The following LRP8 variants were observed in gnomAD, a reference collection of about 807,000 sequenced individuals.
The protein encoded by LRP8 is low-density lipoprotein receptor-related protein 8.
A neutral mutation model predicts 111.6 loss-of-function variants in LRP8; 46 were observed. The observed-to-expected ratio is 0.41, with a 90% CI of 0.33 to 0.53. LRP8 has a LOEUF of 0.53. Among genes scored for constraint, LRP8 ranks in the 20% least tolerant of loss-of-function variants. The pLI is 0.20. For synonymous variants in LRP8, 464 were observed against 511.2 expected, an observed-to-expected ratio of 0.91 and a Z score of 1.24; for missense variants, 959 against 1,297.4, an observed-to-expected ratio of 0.74 and a Z score of 4.01.
At chr1:53,304,124 C>T (rs897811780) in intron 2 of LRP8, among the ~76,000 whole-genome samples, 2 of 152,162 alleles carry the variant, frequency 1.3e-5, no homozygotes, top group African/African-American at 4.8e-5. Context: ...GGCATAATAC[C>T]GAGGAGGCAG....
At chr1:53,260,973 C>T (rs1452312307) in intron 12 of LRP8, among the ~76,000 whole-genome samples, 3 of 152,180 alleles carry the variant, frequency 2.0e-5, no homozygotes, top group Non-Finnish European at 4.4e-5. Flanking sequence ...GAGGGTTATG[C>T]CTTGCTGGGC....
At chr1:53,327,035 C>G in intron 1 of LRP8, 43 bp from the exon 2 acceptor site, 1 of 1,604,010 alleles carries the variant, frequency 6.2e-7, no homozygotes, top group African/African-American at 1.3e-5. Flanking sequence ...CGGACTCGGC[C>G]CCACTCCCCA....
chr1:53,260,364 C>T (rs781596445), intron 13 of LRP8, 100 bp downstream of exon 13: 4 of 1,076,918 alleles, frequency 3.7e-6, no homozygotes, highest in Non-Finnish European at 4.1e-6. Context: ...CCTGGGGTTG[C>T]TGAGTTGTGA....
chr1:53,327,096 G>A (rs547304982), intron 1 of LRP8, 104 bp from the exon 2 acceptor site: 6 of 1,500,150 alleles, frequency 4.0e-6, no homozygotes, highest in East Asian at 4.6e-5. Flanking sequence ...AGGAAAGGGG[G>A]CGATTATGGA....
intron 10 of LRP8, among the ~76,000 whole-genome samples, chr1:53,263,794 C>T (rs568732284): frequency 1.4e-4 from 22 of 152,318 alleles, no homozygotes; most frequent in East Asian, 3.9e-4. Flanking sequence ...AGCTGCCCCA[C>T]GGTGAAACAG....
At chr1:53,290,624 T>G (rs1648553230) in intron 2 of LRP8, among the ~76,000 whole-genome samples, 1 of 152,098 alleles carries the variant, frequency 6.6e-6, no homozygotes, top group Non-Finnish European at 1.5e-5. Flanking sequence ...CCCAGCCCGG[T>G]TCTTTACTGC....
intron 4 of LRP8, 49 bp downstream of exon 4, chr1:53,280,538 G>T: frequency 6.3e-7 from 1 of 1,595,470 alleles, no homozygotes; most frequent in Non-Finnish European, 8.5e-7. Context: ...ACTCCCTGAG[G>T]CTGCCTGACC....
chr1:53,292,038 G>T (rs1648877149), intron 2 of LRP8: 1 of 152,166 alleles, frequency 6.6e-6, no homozygotes, highest in African/African-American at 2.4e-5. Context: ...CAGTTCTGGG[G>T]CTTGCCTTCT....
intron 4 of LRP8, among the ~76,000 whole-genome samples, chr1:53,277,513 T>G (rs754313646): frequency 6.6e-6 from 1 of 152,182 alleles, no homozygotes; most frequent in Non-Finnish European, 1.5e-5. Flanking sequence ...TCCCCTGGCC[T>G]GGTATCCAAG....
intron 14 of LRP8, 94 bp downstream of exon 14, chr1:53,258,225 C>T (rs1292990983): frequency 4.6e-6 from 6 of 1,298,116 alleles, no homozygotes; most frequent in South Asian, 1.6e-5. Flanking sequence ...GGAAGAAAAC[C>T]AGCAGCATAC....
chr1:53,280,501 T>G, intron 4 of LRP8, 86 bp downstream of exon 4: 1 of 1,545,322 alleles, frequency 6.5e-7, no homozygotes, highest in Non-Finnish European at 8.7e-7. Context: ...CACGGGGAAC[T>G]GGGCCCCCTC....
chr1:53,268,991 AGTCAGAATAAAAT>A (rs1557775391), intron 8 of LRP8, among the ~76,000 whole-genome samples: 1 of 152,192 alleles, frequency 6.6e-6, no homozygotes, highest in Non-Finnish European at 1.5e-5. Context: ...TCAATACTGC[AGTCAGAATAAAAT>A]GTCACACCAT....
At chr1:53,263,240 C>T (rs550405813) in intron 10 of LRP8, among the ~76,000 whole-genome samples, 15 of 152,238 alleles carry the variant, frequency 9.9e-5, no homozygotes, top group African/African-American at 3.4e-4. Context: ...GGAGAGGCTC[C>T]GTATCTGTCA....
chr1:53,280,777 A>G (rs1647082977), intron 3 of LRP8, 62 bp from the exon 4 acceptor site: 1 of 1,592,276 alleles, frequency 6.3e-7, no homozygotes, highest in Admixed American at 1.7e-5. Context: ...GGTGCCAACC[A>G]GTCCTACCAC....
chr1:53,325,893 A>T (rs776867123), intron 2 of LRP8, among the ~76,000 whole-genome samples: 1 of 152,088 alleles, frequency 6.6e-6, no homozygotes, highest in Non-Finnish European at 1.5e-5. Flanking sequence ...TCTCTAGGAG[A>T]GCCCTGTTTT....
chr1:53,318,846 G>C (rs1003718878), intron 2 of LRP8, among the ~76,000 whole-genome samples: 3 of 152,112 alleles, frequency 2.0e-5, no homozygotes, highest in Non-Finnish European at 4.4e-5. Flanking sequence ...AAAATCTCTA[G>C]AAGGCTATGC....
In LRP8 at chr1:53,246,952, A is replaced by C; in HGVS notation, c.*66T>G. ...TATATAGAAACCCATTCATCCAGTC[A>C]TACACCATCCAGAGTGTAGTGCATG... On this transcript the variant is annotated 3_prime_UTR_variant, in exon 19 of 19. Coordinates refer to ENST00000306052, the MANE Select transcript of LRP8 (RefSeq NM_004631.5). 1 of 1,426,172 alleles carries C rather than the reference A, an allele frequency of 7.0e-7. No individual in the cohort carries two copies. The highest frequency in any genetic ancestry group is 1.8e-5 in the Admixed American group (1 of 56,202). 88.3% of individuals were successfully genotyped at this position (1,426,172 alleles called of 1,614,324 possible).
chr1:53,326,916 G>T lies in LRP8; in HGVS notation c.201C>A (p.Asp67Glu), dbSNP rs138158729. The change falls in exon 2 of 19, where the codon GAC becomes GAA. Residue 67 changes from aspartate (D) to glutamate (E), a missense_variant. Physicochemically the swap from Asp to Glu is conservative, Grantham distance 45. This residue lies in a region of LRP8 where 97 missense variants were observed against 107.5 expected (regional missense o/e 0.90). Coordinates refer to ENST00000306052, the MANE Select transcript of LRP8 (RefSeq NM_004631.5). ...ERCIPSVWRC[D>E]EDDDCLDHSD... is the part of the protein sequence containing the mutation. ...TGTGGTCTAAGCAGTCATCGTCCTC[G>T]TCGCATCTCCACACAGAGGGGATGC... 6.2e-7 allele frequency: 1 copy of T among 1,613,904 alleles called. No homozygotes were observed. The highest frequency in any genetic ancestry group is 8.5e-7 in the Non-Finnish European group (1 of 1,179,986).
chr1:53,318,009 T>A (rs1473592135), intron 2 of LRP8, among the ~76,000 whole-genome samples: 1 of 152,122 alleles, frequency 6.6e-6, no homozygotes, highest in African/African-American at 2.4e-5. Flanking sequence ...ACTGGCCAGC[T>A]CCAGCCCTGA....
Sources: allele counts gnomAD v4.1 joint callset (sites outside exome capture counted in the v4.1 genomes callset), GRCh38; gene constraint gnomAD v4.1.1; regional missense constraint gnomAD v4.1.1; transcripts MANE v1.5; gene names NCBI Gene and HGNC (gene_info 2026-07-23, HGNC 2026-07-21).